The following STXBP5L variants were observed in gnomAD, a reference collection of about 807,000 sequenced individuals.
STXBP5L encodes the protein syntaxin-binding protein 5-like.
A neutral mutation model predicts 144.5 loss-of-function variants in STXBP5L; 65 were observed. The observed-to-expected ratio is 0.45, with a 90% CI of 0.37 to 0.55. STXBP5L has a LOEUF of 0.55. Among genes scored for constraint, STXBP5L ranks in the 20% least tolerant of loss-of-function variants. The pLI is 0.00. For synonymous variants in STXBP5L, 505 were observed against 469.6 expected (o/e 1.08, Z -0.97); for missense variants, 1,298 against 1,405.5 (o/e 0.92, Z 1.22).
At chr3:121,383,078 C>T (rs2046354344) in intron 22 of STXBP5L, among the ~76,000 whole-genome samples, 1 of 151,920 alleles carries the variant, frequency 6.6e-6, no homozygotes, top group African/African-American at 2.4e-5. Context: ...GGCCAGGAAT[C>T]CAAGGCCAGC....
intron 20 of STXBP5L, among the ~76,000 whole-genome samples, chr3:121,355,414 T>C (rs1464718663): frequency 6.6e-5 from 10 of 152,198 alleles, no homozygotes; most frequent in Admixed American, 5.9e-4. Context: ...TACCTTGCTT[T>C]CTCACTTTAT....
Position 121,085,185 on chromosome 3 carries a change from T to C in STXBP5L, c.471-29740T>C, listed in dbSNP as rs180734600. Among the ~76,000 whole-genome samples the C allele has an allele frequency of 1.3e-3, 205 of 152,330 alleles. 1 individual carries two copies. Among genetic ancestry groups the C allele is most frequent in the Non-Finnish European group, 2.6e-3 (174 of 68,018 alleles). On this transcript the variant is annotated intron_variant, in intron 5 of 26. Transcript: ENST00000471454. ...GTAGGTTTTCTGTTCATGCTGATGA[T>C]AGTTTCTTTTGCTGTGCAGAAGCTC...
At chr3:121,118,725 A>G (rs56074531) in intron 6 of STXBP5L, among the ~76,000 whole-genome samples, 18,916 of 151,562 alleles carry the variant, frequency 0.12, 1,564 homozygotes, top group Non-Finnish European at 0.19. Flanking sequence ...GTAGGAGTGG[A>G]GATAAACCAA....
In STXBP5L at chr3:121,022,351, C is replaced by T. The variant is rs567527023; in HGVS notation, c.288-19349C>T. 3.9e-5 allele frequency among the ~76,000 whole-genome samples: 6 copies of T among 152,172 alleles called. No homozygotes were observed. The South Asian group carries it at 1.0e-3, about 26-fold the overall frequency. ...TAACAGCTGTATTCTATGAGACAAT[C>T]AAATAAGAATCTGTACCAATGCTAT... On this transcript the variant is annotated intron_variant, in intron 3 of 26. Coordinates refer to ENST00000471454, the MANE Select transcript of STXBP5L (RefSeq NM_001308330.2).
At chr3:121,361,687 C>T (rs1576286419) in intron 20 of STXBP5L, among the ~76,000 whole-genome samples, 1 of 151,890 alleles carries the variant, frequency 6.6e-6, no homozygotes, top group African/African-American at 2.4e-5. Context: ...ATTCTGAATT[C>T]CTTCCCTATG....
At chr3:121,175,653 G>A (rs1038010109) in intron 9 of STXBP5L, among the ~76,000 whole-genome samples, 1 of 151,804 alleles carries the variant, frequency 6.6e-6, no homozygotes, top group Non-Finnish European at 1.5e-5. Context: ...GGCAGAAAAG[G>A]AGGGAAAAAA....
intron 9 of STXBP5L, among the ~76,000 whole-genome samples, chr3:121,204,378 G>C (rs1190195569): frequency 3.9e-5 from 6 of 152,206 alleles, no homozygotes; most frequent in Non-Finnish European, 8.8e-5. Context: ...GAATGATTAT[G>C]GTCAATTTTT....
At chr3:121,362,810 C>T (rs565504177) in intron 20 of STXBP5L, among the ~76,000 whole-genome samples, 1 of 152,206 alleles carries the variant, frequency 6.6e-6, no homozygotes, top group African/African-American at 2.4e-5. Context: ...AGGAGTTTTG[C>T]CCCATAGCCA....
At position 121,410,567 on chromosome 3, in the gene STXBP5L, T is replaced by A. The variant is rs78125736; in HGVS notation, c.2949-2591T>A. ...AGACCCTATCAGAAGGTAACTCTCC[T>A]GAGCCCAGTCTTCTCAAGTCCTGGG... On this transcript the variant is annotated intron_variant, in intron 23 of 26. Transcript: ENST00000471454. Among the ~76,000 whole-genome samples, 1,274 of 152,128 alleles carry A rather than the reference T, an allele frequency of 8.4e-3. 17 individuals are homozygous for A. The highest frequency in any genetic ancestry group is 0.029 in the African/African-American group (1,208 of 41,524).
intron 7 of STXBP5L, among the ~76,000 whole-genome samples, chr3:121,137,539 A>T (rs1445972410): frequency 6.6e-6 from 1 of 152,200 alleles, no homozygotes; most frequent in African/African-American, 2.4e-5. Flanking sequence ...GTTTAACAAA[A>T]TACTCAACCA....
At chr3:120,971,911 A>G (rs1056678752) in intron 3 of STXBP5L, among the ~76,000 whole-genome samples, 1 of 151,926 alleles carries the variant, frequency 6.6e-6, no homozygotes, top group Non-Finnish European at 1.5e-5. Flanking sequence ...TTTTTTAACC[A>G]ACCCTTCATA....
chr3:121,104,471 G>A (rs1227733314), intron 5 of STXBP5L, among the ~76,000 whole-genome samples: 1 of 152,078 alleles, frequency 6.6e-6, no homozygotes, highest in Non-Finnish European at 1.5e-5. Flanking sequence ...CAAATCTGGA[G>A]GCATCACATG....
At chr3:121,246,003 G>A (rs2049839088) in intron 14 of STXBP5L, among the ~76,000 whole-genome samples, 1 of 152,080 alleles carries the variant, frequency 6.6e-6, no homozygotes, top group African/African-American at 2.4e-5. Context: ...AAGCACACAT[G>A]GACCTTGTTC....
chr3:121,413,109 G>A, intron 23 of STXBP5L, 49 bp from the exon 24 acceptor site: 7 of 1,340,280 alleles, frequency 5.2e-6, no homozygotes, highest in Non-Finnish European at 6.9e-6. Context: ...GTAAATATCT[G>A]CTTCTAACAA....
chr3:120,924,197 C>T (rs1385688496), intron 2 of STXBP5L, among the ~76,000 whole-genome samples: 2 of 152,126 alleles, frequency 1.3e-5, no homozygotes, highest in Non-Finnish European at 2.9e-5. Context: ...TTTCACCACA[C>T]AATCCCACTG....
intron 3 of STXBP5L, among the ~76,000 whole-genome samples, chr3:121,038,276 C>G (rs1286494753): frequency 6.6e-6 from 1 of 151,860 alleles, no homozygotes; most frequent in Non-Finnish European, 1.5e-5. Flanking sequence ...GTAATAAAAG[C>G]TCTAAATTTT....
intron 6 of STXBP5L, among the ~76,000 whole-genome samples, chr3:121,120,863 G>A (rs1431648487): frequency 2.6e-5 from 4 of 151,194 alleles, no homozygotes; most frequent in Non-Finnish European, 5.9e-5. Context: ...TGTGGAAAGT[G>A]GAGCAATAAT....
rs34692428 is a variant in STXBP5L at position 121,364,482 on chromosome 3, CA to C, written c.2177-14221del. Among the ~76,000 whole-genome samples, 758 of 134,782 alleles carry C rather than the reference CA, an allele frequency of 5.6e-3. 1 individual carries two copies. Among genetic ancestry groups the C allele is most frequent in the African/African-American group, 6.5e-3 (246 of 37,592 alleles). The allele number at this position is 134,782 out of a possible 152,430, so 88.4% of individuals were successfully genotyped here. A position where few individuals can be genotyped will look rare whatever the true frequency, so the allele number is the denominator to read the frequency against. On this transcript the variant is annotated intron_variant, in intron 20 of 26. Coordinates refer to ENST00000471454, the MANE Select transcript of STXBP5L (RefSeq NM_001308330.2). Reference sequence around the variant, plus strand: ...TTAAGGATGTGTTGTTCTATATCTGCAAAAAAAAAAAAATGGATTTTCATAG... The same window carrying C: ...TTAAGGATGTGTTGTTCTATATCTGCAAAAAAAAAAAATGGATTTTCATAG...
At chr3:120,998,524 C>T (rs910416116) in intron 3 of STXBP5L, among the ~76,000 whole-genome samples, 6 of 152,104 alleles carry the variant, frequency 3.9e-5, no homozygotes, top group South Asian at 2.1e-4. Context: ...TAATGCTATC[C>T]CTCCCCTAGC....
Sources: allele counts gnomAD v4.1 joint callset (sites outside exome capture counted in the v4.1 genomes callset), GRCh38; gene constraint gnomAD v4.1.1; transcripts MANE v1.5; gene names NCBI Gene and HGNC (gene_info 2026-07-23, HGNC 2026-07-21).